The following BMP7 variants were observed in gnomAD, a reference collection of about 807,000 sequenced individuals.
BMP7 encodes the protein osteogenic protein 1.
Under a neutral mutation model 41.2 loss-of-function variants are expected in BMP7, and 12 were observed. The ratio of observed to expected loss-of-function variants is 0.29; its 90% CI spans 0.19 to 0.47. The LOEUF (loss-of-function observed/expected upper bound fraction) is 0.47, where lower values mean the gene tolerates loss of function less well. BMP7 is among the 20% of genes least tolerant of loss of function. BMP7 has a pLI of 0.99. For missense variants in BMP7, 467 were observed against 606.0 expected (o/e 0.77, Z 2.41); for synonymous variants, 248 against 250.0 (o/e 0.99, Z 0.07).
chr20:57,228,403 A>G lies in BMP7; in HGVS notation c.437T>C (p.Phe146Ser). Residue 146 changes from phenylalanine to serine, a missense_variant, in exon 2 of 7, where the codon TTC (phenylalanine) becomes TCC (serine). By Grantham distance (155) the Phe-to-Ser change is radical. Coordinates refer to ENST00000395863, the MANE Select transcript of BMP7 (RefSeq NM_001719.3). The surrounding 1 kb of genome is among the most constrained non-coding windows in gnomAD (Gnocchi z 4.5). ...FVNLVEHDKE[F>S]FHPRYHHREF... ...TCGATGGTGGTAGCGTGGGTGGAAG[A>G]ATTCCTTGTCATGTTCCACTGGAAG... is the stretch of plus-strand genomic sequence containing the variant. 1 of 1,614,148 alleles carries G rather than the reference A, an allele frequency of 6.2e-7. No individual in the cohort carries two copies. The highest frequency in any genetic ancestry group is 2.2e-5 in the East Asian group (1 of 44,880).
intron 1 of BMP7, among the ~76,000 whole-genome samples, chr20:57,240,142 T>C (rs2066063315): frequency 6.6e-6 from 1 of 152,250 alleles, no homozygotes. Context: ...TTATGCTTTG[T>C]TTCCCTTTTA....
chr20:57,261,172 C>T lies in BMP7; in HGVS notation c.418+4533G>A, dbSNP rs946160674. ...ATTCCGGTGGTGAGGGGATCGCGCACCAGCTGTGTTTATCTCGGCAAAGGC... is the reference window on the plus strand; with the variant it reads ...ATTCCGGTGGTGAGGGGATCGCGCATCAGCTGTGTTTATCTCGGCAAAGGC... On this transcript the variant is annotated intron_variant, in intron 1 of 6. Coordinates refer to ENST00000395863, the MANE Select transcript of BMP7 (RefSeq NM_001719.3). This position sits in a 1 kb window ranked among gnomAD's most constrained non-coding sequence, Gnocchi z 4.1. Among the ~76,000 whole-genome samples the T allele has an allele frequency of 1.3e-5, 2 of 152,274 alleles. No homozygotes were observed. The highest frequency in any genetic ancestry group is 1.9e-4 in the East Asian group (1 of 5,186).
chr20:57,207,811 GTTTTTTTTT>G (rs572613876), intron 2 of BMP7, among the ~76,000 whole-genome samples: 5 of 109,972 alleles, frequency 4.5e-5, no homozygotes, highest in South Asian at 2.8e-4. Context: ...ACCCCAGTTG[GTTTTTTTTT>G]TTTTTTTTTT....
intron 1 of BMP7, among the ~76,000 whole-genome samples, chr20:57,247,715 T>A (rs1172358541): frequency 6.6e-6 from 1 of 152,200 alleles, no homozygotes; most frequent in Non-Finnish European, 1.5e-5. Flanking sequence ...CACCCTTGGC[T>A]AACAAACACT....
At chr20:57,184,868 G>A (rs919608493) in intron 3 of BMP7, among the ~76,000 whole-genome samples, 7 of 152,204 alleles carry the variant, frequency 4.6e-5, no homozygotes, top group Admixed American at 1.3e-4. Flanking sequence ...CTTTGTAAGA[G>A]GACAACCCTG....
At position 57,168,921 on chromosome 20, in the gene BMP7, T is replaced by G. The variant is rs1983746614; in HGVS notation, c.*2038A>C. On this transcript the variant is annotated 3_prime_UTR_variant, in exon 7 of 7. Transcript: ENST00000395863. ...ACAAACAGGTTGAAGGAAAGCAAGC[T>G]CATCGTCCTGAACGAGGGATTAAAG... 1 of 145,414 alleles carries G rather than the reference T, an allele frequency of 6.9e-6. No individual in the cohort carries two copies. Among genetic ancestry groups the G allele is most frequent in the Non-Finnish European group, 1.5e-5 (1 of 66,680 alleles). The allele number at this position is 145,414 out of a possible 1,614,324, so 9.0% of individuals were successfully genotyped here.
In BMP7 at chr20:57,183,748, T is replaced by C. The variant is rs758424883; in HGVS notation, c.932A>G (p.Glu311Gly). Residue 311 changes from glutamate to glycine, a missense_variant, in exon 4 of 7, where the codon GAA (glutamate) becomes GGA (glycine). Glu to Gly is a moderately conservative substitution (Grantham distance 98, BLOSUM62 -2). Around this residue, in one of 2 missense-constraint regions of BMP7, gnomAD observed 407 missense variants for 485.9 expected, o/e 0.84. Transcript: ENST00000395863. ...QNRSKTPKNQEALRMANVAEN... is the reference protein window; with the variant it reads ...QNRSKTPKNQGALRMANVAEN... ...TGCCACGTTGGCCATCCGCAGGGCTTCCTGGTTCTTGGGCGTCTTGGAGCG... is the reference window on the plus strand; with the variant it reads ...TGCCACGTTGGCCATCCGCAGGGCTCCCTGGTTCTTGGGCGTCTTGGAGCG... 1.9e-6 allele frequency: 3 copies of C among 1,614,024 alleles called. No individual in the cohort carries two copies. The highest frequency in any genetic ancestry group is 2.5e-6 in the Non-Finnish European group (3 of 1,180,034).
chr20:57,182,257 G>T (rs1984101377), intron 4 of BMP7, among the ~76,000 whole-genome samples: 2 of 152,194 alleles, frequency 1.3e-5, no homozygotes, highest in South Asian at 4.1e-4. Flanking sequence ...TGGGAGGGCT[G>T]TCCACAGATG....
At chr20:57,263,143 AG>A (rs1472717953) in intron 1 of BMP7, among the ~76,000 whole-genome samples, 1 of 152,192 alleles carries the variant, frequency 6.6e-6, no homozygotes, top group African/African-American at 2.4e-5. Flanking sequence ...AGGGACAGAG[AG>A]AGAAAGAAAA....
At position 57,265,982 on chromosome 20, in the gene BMP7, G is replaced by C. The variant is rs1282263829; in HGVS notation, c.141C>G (p.Arg47=). 5 of 1,551,154 alleles carry C rather than the reference G, an allele frequency of 3.2e-6. No homozygotes were observed. Among genetic ancestry groups the C allele is most frequent in the Non-Finnish European group, 4.4e-6 (5 of 1,147,308 alleles). Residue 47 remains arginine (R), a synonymous_variant, in exon 1 of 7, where the codon CGC becomes CGG. Transcript: ENST00000395863. ...GCTGCATCTCCCGCCGCTCCTGGCT[G>C]CGGAGGCGCCGGTGGATGAAGCTCG... ...VHSSFIHRRL[R]SQERREMQRE... is the part of the protein sequence containing the mutation.
chr20:57,207,916 G>A (rs890352549), intron 2 of BMP7, among the ~76,000 whole-genome samples: 13 of 136,850 alleles, frequency 9.5e-5, no homozygotes, highest in African/African-American at 2.7e-4. Flanking sequence ...TGCAAGCTCC[G>A]CTTCCCGGGT....
intron 3 of BMP7, among the ~76,000 whole-genome samples, chr20:57,190,485 A>C (rs116125242): frequency 0.032 from 3,973 of 123,000 alleles, 524 homozygotes; most frequent in African/African-American, 0.15. Flanking sequence ...GGCTGGAGAG[A>C]GTGAGTGAGG....
chr20:57,222,469 C>G (rs1217379476), intron 2 of BMP7, among the ~76,000 whole-genome samples: 2 of 151,996 alleles, frequency 1.3e-5, no homozygotes, highest in African/African-American at 4.8e-5. Context: ...CAGAGGGATC[C>G]TTGCAGATCC....
At chr20:57,256,883 C>T (rs1369616113) in intron 1 of BMP7, among the ~76,000 whole-genome samples, 1 of 150,238 alleles carries the variant, frequency 6.7e-6, no homozygotes, top group Non-Finnish European at 1.5e-5. Flanking sequence ...AGCGAAACTC[C>T]ATCTCAAAAA....
Position 57,261,043 on chromosome 20 carries a change from A to G in BMP7, c.418+4662T>C, listed in dbSNP as rs1379361683. On this transcript the variant is annotated intron_variant, in intron 1 of 6. Transcript: ENST00000395863. This position sits in a 1 kb window ranked among gnomAD's most constrained non-coding sequence, Gnocchi z 4.1. ...TTACCAAATGAGGGAGAGATATTAA[A>G]GTGATAGGAGTGATCAATCAACTTA... Among the ~76,000 whole-genome samples the G allele has an allele frequency of 6.6e-6, 1 of 152,234 alleles. No individual in the cohort carries two copies. The highest frequency in any genetic ancestry group is 1.5e-5 in the Non-Finnish European group (1 of 68,046).
intron 3 of BMP7, among the ~76,000 whole-genome samples, chr20:57,192,195 T>C (rs1376080007): frequency 1.6e-5 from 2 of 128,246 alleles, no homozygotes; most frequent in East Asian, 4.3e-4. Context: ...TTATATATAG[T>C]ATATATACTA....
chr20:57,211,249 T>C (rs1023092238), intron 2 of BMP7, among the ~76,000 whole-genome samples: 1 of 152,094 alleles, frequency 6.6e-6, no homozygotes, highest in African/African-American at 2.4e-5. Flanking sequence ...ACCTATTACA[T>C]GGGGATGGGG....
rs577538613 is a variant in BMP7, at chr20:57,256,920, T to A, written c.418+8785A>T. Among the ~76,000 whole-genome samples the A allele has an allele frequency of 4.6e-5, 7 of 152,176 alleles. 1 individual carries two copies. Among genetic ancestry groups the A allele is most frequent in the African/African-American group, 9.6e-5 (4 of 41,528 alleles). On this transcript the variant is annotated intron_variant, in intron 1 of 6. Transcript: ENST00000395863. The stretch of plus-strand genomic sequence containing the variant: ...AAAAGAAAAAAAGAAATAAGTTGTA[T>A]AACTACTAGTTAGGATCATTTGTAC...
intron 4 of BMP7, among the ~76,000 whole-genome samples, chr20:57,181,775 T>G (rs1984087894): frequency 6.6e-6 from 1 of 152,160 alleles, no homozygotes; most frequent in Non-Finnish European, 1.5e-5. Flanking sequence ...CTGTGCTCTG[T>G]GCTTACATGG....
Sources: allele counts gnomAD v4.1 joint callset (sites outside exome capture counted in the v4.1 genomes callset), GRCh38; gene constraint gnomAD v4.1.1; regional missense constraint gnomAD v4.1.1; non-coding constraint Gnocchi (gnomAD v3.1); transcripts MANE v1.5; gene names NCBI Gene and HGNC (gene_info 2026-07-23, HGNC 2026-07-21).